The following ANKH variants were observed in gnomAD, a reference collection of about 807,000 sequenced individuals.
The protein encoded by ANKH is mineralization regulator ANKH.
Under a neutral mutation model 49.0 loss-of-function variants are expected in ANKH, and 15 were observed. That is an observed-to-expected ratio of 0.31 (90% CI 0.20 to 0.47). The LOEUF (loss-of-function observed/expected upper bound fraction) is 0.47, where lower values mean the gene tolerates loss of function less well. Ranked by LOEUF, ANKH falls within the 20% of genes least tolerant of loss-of-function variation. The probability of loss-of-function intolerance (pLI) is 1.00; values close to 1 mark genes in which losing one functional copy is unlikely to be tolerated. For missense variants in ANKH, 429 were observed against 652.0 expected, an observed-to-expected ratio of 0.66 and a Z score of 3.72; for synonymous variants, 273 against 260.0, an observed-to-expected ratio of 1.05 and a Z score of -0.48.
At chr5:14,809,840 C>T (rs2126571724) in intron 1 of ANKH, among the ~76,000 whole-genome samples, 1 of 152,152 alleles carries the variant, frequency 6.6e-6, no homozygotes, top group Admixed American at 6.5e-5. Flanking sequence ...TCCTCTGAGT[C>T]AGCCCCGTCT....
At position 14,793,031 on chromosome 5, in the gene ANKH, TATAAAA is replaced by T. The variant is rs1291470326; in HGVS notation, c.97-23846_97-23841del. Among the ~76,000 whole-genome samples the T allele has an allele frequency of 3.1e-3, 233 of 74,936 alleles. 6 individuals carry two copies. The East Asian group carries it at 0.032, about 10-fold the overall frequency. 49.2% of individuals were successfully genotyped at this position (74,936 alleles called of 152,430 possible). A position where few individuals can be genotyped will look rare whatever the true frequency, so the allele number is the denominator to read the frequency against. On this transcript the variant is annotated intron_variant, in intron 1 of 11. Transcript: ENST00000284268. The stretch of plus-strand genomic sequence containing the variant: ...AAATATATATATATAAATATATATA[TATAAAA>T]ATATATATATAAATATATATAAAAT...
intron 8 of ANKH, among the ~76,000 whole-genome samples, chr5:14,733,026 G>A (rs1300296602): frequency 6.6e-6 from 1 of 152,126 alleles, no homozygotes; most frequent in Non-Finnish European, 1.5e-5. Context: ...GAGATCAGTG[G>A]TGTCAGCTCC....
rs1162057742 is a variant in ANKH, at chr5:14,725,518, C to T, written c.1012-8683G>A. ...ACCTCTGGCACTCATCTGCAAACCC[C>T]GAGCCTGCGAGCACTGCAGTTTGCA... On this transcript the variant is annotated intron_variant, in intron 8 of 11. Coordinates refer to ENST00000284268, the MANE Select transcript of ANKH (RefSeq NM_054027.6). This position sits in a 1 kb window ranked among gnomAD's most constrained non-coding sequence, Gnocchi z 4.0. 3.9e-5 allele frequency among the ~76,000 whole-genome samples: 6 copies of T among 152,194 alleles called. No individual in the cohort carries two copies. The highest frequency in any genetic ancestry group is 8.8e-5 in the Non-Finnish European group (6 of 68,034).
intron 8 of ANKH, among the ~76,000 whole-genome samples, chr5:14,717,809 A>G (rs934471073): frequency 6.6e-6 from 1 of 152,240 alleles, no homozygotes; most frequent in Non-Finnish European, 1.5e-5. Flanking sequence ...TACAGGTTAC[A>G]CATCCCTAAT....
At position 14,706,161 on chromosome 5, in the gene ANKH, TCTTG is replaced by T. The variant is rs1736939498; in HGVS notation, c.*5032_*5035del. Reference sequence around the variant, plus strand: ...ACATATTGTAGACGCTAATGTCAAGTCTTGTTAGTAAAGTGCACTTTAAGTTATG... The same window carrying T: ...ACATATTGTAGACGCTAATGTCAAGTTTAGTAAAGTGCACTTTAAGTTATG... On this transcript the variant is annotated 3_prime_UTR_variant, in exon 12 of 12. Transcript: ENST00000284268. The T allele has an allele frequency of 6.6e-6, 1 of 152,258 alleles. No homozygotes were observed. Among genetic ancestry groups the T allele is most frequent in the South Asian group, 2.1e-4 (1 of 4,824 alleles). The allele number at this position is 152,258 out of a possible 1,614,324, so 9.4% of individuals were successfully genotyped here. A position where few individuals can be genotyped will look rare whatever the true frequency, so the allele number is the denominator to read the frequency against.
At chr5:14,827,114 G>A (rs75943838) in intron 1 of ANKH, among the ~76,000 whole-genome samples, 2,438 of 152,292 alleles carry the variant, frequency 0.016, 71 homozygotes, top group African/African-American at 0.056. Context: ...GCAGCTGAGC[G>A]GTCACCACTG....
intron 1 of ANKH, among the ~76,000 whole-genome samples, chr5:14,858,481 C>A (rs1352242746): frequency 6.6e-6 from 1 of 152,114 alleles, no homozygotes; most frequent in East Asian, 1.9e-4. Flanking sequence ...CTTTGGGAGG[C>A]CAAGGGGGTG....
chr5:14,765,232 G>C (rs1739221673), intron 2 of ANKH, among the ~76,000 whole-genome samples: 1 of 152,250 alleles, frequency 6.6e-6, no homozygotes, highest in Admixed American at 6.5e-5. Flanking sequence ...CTAAAAAAGA[G>C]ATACTTGCAG....
intron 1 of ANKH, among the ~76,000 whole-genome samples, chr5:14,769,512 A>T (rs1192569103): frequency 6.6e-6 from 1 of 152,176 alleles, no homozygotes; most frequent in Non-Finnish European, 1.5e-5. Flanking sequence ...AAAAAACAAA[A>T]ATGTTAAATT....
intron 1 of ANKH, among the ~76,000 whole-genome samples, chr5:14,801,510 CTT>C (rs1740566243): frequency 6.6e-6 from 1 of 152,202 alleles, no homozygotes; most frequent in African/African-American, 2.4e-5. Context: ...AAATTAAACT[CTT>C]TCTCTTTTTT....
intron 1 of ANKH, among the ~76,000 whole-genome samples, chr5:14,792,107 G>T (rs1478861607): frequency 1.3e-5 from 2 of 152,150 alleles, no homozygotes; most frequent in African/African-American, 2.4e-5. Flanking sequence ...GGGGGTACAG[G>T]GAGTGCCAGA....
chr5:14,784,650 G>A (rs1739916977), intron 1 of ANKH, among the ~76,000 whole-genome samples: 2 of 152,112 alleles, frequency 1.3e-5, no homozygotes, highest in African/African-American at 2.4e-5. Context: ...TAAGGAGCAG[G>A]GTCATGGTAT....
Position 14,798,310 on chromosome 5 carries a change from G to A in ANKH, c.97-29119C>T, listed in dbSNP as rs541064989. ...GCATGGGTCATCACCAAATTATAAA[G>A]AAAAGGGGTGTTCTTTTTCCATATT... On this transcript the variant is annotated intron_variant, in intron 1 of 11. Transcript: ENST00000284268. 3.8e-6 allele frequency: 6 copies of A among 1,583,906 alleles called. No homozygotes were observed. The South Asian group carries it at 5.5e-5, about 15-fold the overall frequency.
intron 1 of ANKH, among the ~76,000 whole-genome samples, chr5:14,778,774 T>A (rs1165750237): frequency 6.6e-6 from 1 of 152,204 alleles, no homozygotes; most frequent in Non-Finnish European, 1.5e-5. Flanking sequence ...ATCTCTAGCC[T>A]TGGATTCACC....
At chr5:14,853,942 C>G (rs1430718696) in intron 1 of ANKH, among the ~76,000 whole-genome samples, 1 of 152,158 alleles carries the variant, frequency 6.6e-6, no homozygotes, top group African/African-American at 2.4e-5. Context: ...ATGGTTCTCT[C>G]CACTGTCACC....
intron 1 of ANKH, among the ~76,000 whole-genome samples, chr5:14,838,404 A>T (rs1741721395): frequency 6.7e-6 from 1 of 150,368 alleles, no homozygotes; most frequent in Non-Finnish European, 1.5e-5. Context: ...TAATAAAATT[A>T]TATATATTAA....
In ANKH at chr5:14,755,960, G is replaced by A; in HGVS notation, c.433-16C>T. 6.2e-7 allele frequency: 1 copy of A among 1,610,456 alleles called. No individual in the cohort carries two copies. Among genetic ancestry groups the A allele is most frequent in the Non-Finnish European group, 8.5e-7 (1 of 1,176,770 alleles). On this transcript the variant is annotated splice_polypyrimidine_tract_variant and intron_variant, in intron 3 of 11. Transcript: ENST00000284268. ...GGGTCCATGCCTGCCAGAAAGAAAAGAATTTGGCATGAGATACACCTTCAG... is the reference window on the plus strand; with the variant it reads ...GGGTCCATGCCTGCCAGAAAGAAAAAAATTTGGCATGAGATACACCTTCAG...
intron 1 of ANKH, among the ~76,000 whole-genome samples, chr5:14,805,679 A>G (rs1216535826): frequency 1.3e-5 from 2 of 151,718 alleles, no homozygotes; most frequent in African/African-American, 4.8e-5. Flanking sequence ...CAATCCATAC[A>G]TTTCTTTCCC....
intron 8 of ANKH, among the ~76,000 whole-genome samples, chr5:14,717,819 T>A (rs1388218694): frequency 6.6e-6 from 1 of 152,200 alleles, no homozygotes; most frequent in Non-Finnish European, 1.5e-5. Context: ...ACATCCCTAA[T>A]CCCAAAATAC....
Sources: gnomAD v4.1 joint callset for allele counts (sites outside exome capture counted in the v4.1 genomes callset) on GRCh38, gnomAD v4.1.1 for gene constraint, Gnocchi (gnomAD v3.1) non-coding constraint, MANE v1.5 for transcripts, NCBI Gene and HGNC (gene_info 2026-07-23, HGNC 2026-07-21) for gene names.